Variants in CELSR1 observed in about 807,000 individuals in gnomAD.
CELSR1 encodes cadherin EGF LAG seven-pass G-type receptor 1, also known as adhesion G protein-coupled receptor C1.
Under a neutral mutation model 249.1 loss-of-function variants are expected in CELSR1, and 110 were observed. The observed-to-expected ratio is 0.44, with a 90% CI of 0.38 to 0.52. The LOEUF is 0.52. Ranked by LOEUF, CELSR1 falls within the 20% of genes least tolerant of loss-of-function variation. CELSR1 has a pLI of 0.00. For synonymous variants in CELSR1, 2,113 were observed against 1,900.0 expected (o/e 1.11, Z -2.92); for missense variants, 4,109 against 4,296.4 (o/e 0.96, Z 1.22).
chr22:46,386,715 T>C (rs566948351), intron 18 of CELSR1, 130 bp from the exon 19 acceptor site: 1 of 690,938 alleles, frequency 1.4e-6, no homozygotes, highest in South Asian at 2.4e-5. Flanking sequence ...CACTTTAGAC[T>C]GTGCTCTTTA....
intron 5 of CELSR1, among the ~76,000 whole-genome samples, chr22:46,422,223 A>G (rs1292926751): frequency 6.6e-6 from 1 of 151,960 alleles, no homozygotes; most frequent in African/African-American, 2.4e-5. Context: ...CTCCTGCCTC[A>G]GCCTCCCGAG....
Position 46,397,835 on chromosome 22 carries a change from C to A in CELSR1, c.5540G>T (p.Gly1847Val), listed in dbSNP as rs781539769. ...GGTGGCGACGTTGGTGGGCGTCCCC[C>A]CCATCCTCACTCCCTGCATTAAGTA... ...FRGCMQGVRMGGTPTNVATLN... is the reference protein window; with the variant it reads ...FRGCMQGVRMVGTPTNVATLN... Residue 1847 changes from glycine (G) to valine (V), a missense_variant, in exon 12 of 35, where the codon GGG (glycine) becomes GTG (valine). Gly to Val is a moderately radical substitution (Grantham distance 109, BLOSUM62 -3). Around this residue, in one of 7 missense-constraint regions of CELSR1, gnomAD observed 1,805 missense variants for 1,831.6 expected, o/e 0.99. Transcript: ENST00000674500. The A allele has an allele frequency of 1.3e-6, 2 of 1,576,114 alleles. No individual in the cohort carries two copies. Among genetic ancestry groups the A allele is most frequent in the Non-Finnish European group, 1.7e-6 (2 of 1,159,204 alleles).
chr22:46,469,440 A>G (rs567592164), intron 1 of CELSR1, among the ~76,000 whole-genome samples: 40 of 151,770 alleles, frequency 2.6e-4, no homozygotes, highest in African/African-American at 9.2e-4. Context: ...TGAGCCCCTC[A>G]CTCCCATCTG....
intron 1 of CELSR1, among the ~76,000 whole-genome samples, chr22:46,516,608 G>A (rs947075342): frequency 3.3e-5 from 5 of 152,100 alleles, no homozygotes; most frequent in African/African-American, 1.2e-4. Flanking sequence ...CAAAGTGCTT[G>A]GGATTAGAAG....
In CELSR1 at chr22:46,503,994, T is replaced by C. The variant is rs142672830; in HGVS notation, c.3544+29633A>G. On this transcript the variant is annotated intron_variant, in intron 1 of 34. Coordinates refer to ENST00000674500, the MANE Select transcript of CELSR1 (RefSeq NM_001378328.1). ...GTTACAGTGAGCTATGACAGTACCA[T>C]GCACTCCGGCCTGGGCAACAGAGCA... Among the ~76,000 whole-genome samples, 559 of 152,156 alleles carry C rather than the reference T, an allele frequency of 3.7e-3. 7 individuals carry two copies. Among genetic ancestry groups the C allele is most frequent in the African/African-American group, 0.012 (484 of 41,512 alleles).
In CELSR1 at chr22:46,389,281, C is replaced by A. The variant is rs1384710659; in HGVS notation, c.6555+9G>T. On this transcript the variant is annotated intron_variant, in intron 18 of 34. Transcript: ENST00000674500. Reference sequence around the variant, plus strand: ...TGTCCCCGAGCCAGGGTGGCGGCCACCCGCCTACCTCGTGAAAGTCGGCGT... The same window carrying A: ...TGTCCCCGAGCCAGGGTGGCGGCCAACCGCCTACCTCGTGAAAGTCGGCGT... 4 of 1,602,490 alleles carry A rather than the reference C, an allele frequency of 2.5e-6. No individual in the cohort carries two copies. The highest frequency in any genetic ancestry group is 3.4e-6 in the Non-Finnish European group (4 of 1,179,562).
At position 46,483,679 on chromosome 22, in the gene CELSR1, C is replaced by G. The variant is rs9627476; in HGVS notation, c.3545-19334G>C. On this transcript the variant is annotated intron_variant, in intron 1 of 34. Transcript: ENST00000674500. ...TTGCCTCTCCAACCACCCAGGGAGG[C>G]AGAGCAGATTCTGCTACCCCAGTGA... Among the ~76,000 whole-genome samples the G allele has an allele frequency of 9.6e-3, 1,466 of 152,228 alleles. 25 individuals are homozygous for G. Among genetic ancestry groups the G allele is most frequent in the African/African-American group, 0.034 (1,405 of 41,524 alleles).
Position 46,367,119 on chromosome 22 carries a change from C to A in CELSR1, c.8080-1G>T, listed in dbSNP as rs765741820. The A allele has an allele frequency of 1.2e-6, 2 of 1,610,272 alleles. No homozygotes were observed. Among genetic ancestry groups the A allele is most frequent in the Non-Finnish European group, 1.7e-6 (2 of 1,179,296 alleles). On this transcript the variant is annotated splice_acceptor_variant, in intron 28 of 34. Transcript: ENST00000674500. LOFTEE classifies it high-confidence loss of function. ...AGTGGAAAAGGAGGACGAAGGGGCC[C>A]TGGAGGGAGGAAGGTGGGGTCAGCA... is the stretch of plus-strand genomic sequence containing the variant.
intron 27 of CELSR1, among the ~76,000 whole-genome samples, chr22:46,368,681 G>A (rs528593171): frequency 3.9e-5 from 6 of 152,016 alleles, no homozygotes; most frequent in African/African-American, 1.4e-4. Flanking sequence ...GTCCTCCCGC[G>A]GTGCCACCTG....
intron 24 of CELSR1, among the ~76,000 whole-genome samples, chr22:46,373,622 G>A (rs954329361): frequency 8.5e-5 from 12 of 141,072 alleles, no homozygotes; most frequent in Admixed American, 2.1e-4. Context: ...TCTGGGTCCC[G>A]GGAGGCTGAA....
chr22:46,419,990 C>T (rs1192765231), intron 5 of CELSR1, among the ~76,000 whole-genome samples: 3 of 151,786 alleles, frequency 2.0e-5, no homozygotes, highest in Non-Finnish European at 4.4e-5. Flanking sequence ...TGTACACTCA[C>T]CCACAATCAT....
Position 46,399,825 on chromosome 22 carries a change from C to G in CELSR1, c.5304G>C (p.Arg1768=). Residue 1768 remains arginine, a synonymous_variant, in exon 10 of 35, where the codon CGG becomes CGC. Transcript: ENST00000674500. The surrounding 1 kb of genome is among the most constrained non-coding windows in gnomAD (Gnocchi z 5.0). ...DVESVMLSGL[R]VTDGEWHHLL... ...GGTGGTGCCACTCCCCGTCGGTCAC[C>G]CGCAACCCGGACAGCATCACGGACT... 1 of 1,614,136 alleles carries G rather than the reference C, an allele frequency of 6.2e-7. No individual in the cohort carries two copies. The highest frequency in any genetic ancestry group is 8.5e-7 in the Non-Finnish European group (1 of 1,180,006).
chr22:46,409,264 T>A lies in CELSR1; in HGVS notation c.5060-102A>T. On this transcript the variant is annotated intron_variant, in intron 8 of 34. Transcript: ENST00000674500. This position sits in a 1 kb window ranked among gnomAD's most constrained non-coding sequence, Gnocchi z 9.8. ...TGGGCCTGCAGGCTAGGCCTGGGCCTTTTTCACTTTAACACGAAGGTGGGT... is the reference window on the plus strand; with the variant it reads ...TGGGCCTGCAGGCTAGGCCTGGGCCATTTTCACTTTAACACGAAGGTGGGT... 1 of 1,225,944 alleles carries A rather than the reference T, an allele frequency of 8.2e-7. No homozygotes were observed. Among genetic ancestry groups the A allele is most frequent in the Non-Finnish European group, 1.1e-6 (1 of 881,794 alleles). 75.9% of individuals were successfully genotyped at this position (1,225,944 alleles called of 1,614,324 possible).
chr22:46,513,427 T>A (rs1247143170), intron 1 of CELSR1, among the ~76,000 whole-genome samples: 1 of 152,006 alleles, frequency 6.6e-6, no homozygotes, highest in Non-Finnish European at 1.5e-5. Context: ...AGAAGTCCAA[T>A]GCAGTCACAC....
chr22:46,398,534 C>A lies in CELSR1; in HGVS notation c.5516G>T (p.Gly1839Val). The A allele has an allele frequency of 6.2e-7, 1 of 1,609,764 alleles. No individual in the cohort carries two copies. Among genetic ancestry groups the A allele is most frequent in the Non-Finnish European group, 8.5e-7 (1 of 1,177,956 alleles). The change falls in exon 11 of 35, where the codon GGC (glycine) becomes GTC (valine). Residue 1839 changes from glycine to valine, a missense_variant. Gly to Val is a moderately radical substitution (Grantham distance 109). This residue lies in a region of CELSR1 where 1,805 missense variants were observed against 1,831.6 expected (regional missense o/e 0.99). Transcript: ENST00000674500. This position sits in a 1 kb window ranked among gnomAD's most constrained non-coding sequence, Gnocchi z 7.2. ...DKVSVRRGFR[G>V]CMQGVRMGGT... ...ACAACCCCCACGCACCTGCATGCAG[C>A]CTCGGAATCCACGGCGCACGGAGAC...
Position 46,534,599 on chromosome 22 carries a change from A to G in CELSR1, c.2572T>C (p.Tyr858His). 6.2e-7 allele frequency: 1 copy of G among 1,613,894 alleles called. No individual in the cohort carries two copies. Among genetic ancestry groups the G allele is most frequent in the East Asian group, 2.2e-5 (1 of 44,886 alleles). The change falls in exon 1 of 35, where the codon TAC becomes CAC. Residue 858 changes from tyrosine to histidine, a missense_variant. By Grantham distance (83) the Tyr-to-His change is moderately conservative. Transcript: ENST00000674500. This position sits in a 1 kb window ranked among gnomAD's most constrained non-coding sequence, Gnocchi z 9.7. ...MELDYENQVA[Y>H]TLTIMAQDNG... is the part of the protein sequence containing the mutation. ...TCCTGGGCCATGATGGTCAGCGTGT[A>G]GGCGACCTGGTTCTCATAGTCCAGC...
At chr22:46,463,048 A>AC in intron 2 of CELSR1, 2 of 335,428 alleles carry the variant, frequency 6.0e-6, no homozygotes, top group Non-Finnish European at 1.2e-5. Flanking sequence ...AAGTACTTTC[A>AC]CCTGAGGGCC....
intron 14 of CELSR1, among the ~76,000 whole-genome samples, chr22:46,392,384 G>T (rs2079103089): frequency 6.6e-6 from 1 of 152,186 alleles, no homozygotes; most frequent in Non-Finnish European, 1.5e-5. Flanking sequence ...GCTGTGACTT[G>T]GGCAGACTCG....
chr22:46,445,900 G>A lies in CELSR1; in HGVS notation c.4184-6489C>T, dbSNP rs1426921001. Among the ~76,000 whole-genome samples, 1 of 152,150 alleles carries A rather than the reference G, an allele frequency of 6.6e-6. No homozygotes were observed. On this transcript the variant is annotated intron_variant, in intron 2 of 34. Transcript: ENST00000674500. The surrounding 1 kb of genome is among the most constrained non-coding windows in gnomAD (Gnocchi z 4.4). The stretch of plus-strand genomic sequence containing the variant: ...GCCAGGGAGAGGTGGAGTCCTCACT[G>A]CAACCCCTCCTGCCTCCAGCAGCCC...
Sources: gnomAD v4.1 joint callset for allele counts (sites outside exome capture counted in the v4.1 genomes callset) on GRCh38, gnomAD v4.1.1 for gene constraint, gnomAD v4.1.1 regional missense constraint, Gnocchi (gnomAD v3.1) non-coding constraint, MANE v1.5 for transcripts, NCBI Gene and HGNC (gene_info 2026-07-23, HGNC 2026-07-21) for gene names.